PRDM16: variants seen among roughly 807,000 people sequenced by gnomAD.
PRDM16 encodes histone-lysine N-methyltransferase PRDM16.
A neutral mutation model predicts 110.6 loss-of-function variants in PRDM16; 23 were observed. The observed-to-expected ratio is 0.21, with a 90% confidence interval of 0.15 to 0.29. The LOEUF (loss-of-function observed/expected upper bound fraction) is 0.29, where lower values mean the gene tolerates loss of function less well. PRDM16 is among the 10% of genes least tolerant of loss of function. The pLI is 1.00. For missense variants in PRDM16, 1,615 were observed against 1,794.3 expected (o/e 0.90, Z 1.81); for synonymous variants, 799 against 781.8 (o/e 1.02, Z -0.37).
At chr1:3,124,513 A>C (rs1347369974) in intron 1 of PRDM16, among the ~76,000 whole-genome samples, 1 of 152,224 alleles carries the variant, frequency 6.6e-6, no homozygotes, top group Non-Finnish European at 1.5e-5. Flanking sequence ...TTTGGAAGGC[A>C]GCGATGCTTA....
chr1:3,228,778 C>T (rs1418204543), intron 2 of PRDM16, among the ~76,000 whole-genome samples: 1 of 152,214 alleles, frequency 6.6e-6, no homozygotes, highest in Non-Finnish European at 1.5e-5. Context: ...GCACTGTCCA[C>T]CCAGCTTCCC....
At chr1:3,221,684 G>T (rs1405781894) in intron 2 of PRDM16, among the ~76,000 whole-genome samples, 1 of 152,216 alleles carries the variant, frequency 6.6e-6, no homozygotes, top group Non-Finnish European at 1.5e-5. Flanking sequence ...CCCTGGGCAT[G>T]TGGGACACAC....
chr1:3,412,372 C>T lies in PRDM16; in HGVS notation c.2175C>T (p.Phe725=), dbSNP rs760788835. ...KLGSLPYHSA[F]PFQFLPNFPH... ...GCTCGCTCCCCTACCACTCGGCGTT[C>T]CCCTTCCAGTTCCTGCCCAACTTCC... The change falls in exon 9 of 17, where the codon TTC becomes TTT. Residue 725 remains phenylalanine, a synonymous_variant. Transcript: ENST00000270722. 1.2e-6 allele frequency: 2 copies of T among 1,613,598 alleles called. No homozygotes were observed. Among genetic ancestry groups the T allele is most frequent in the Non-Finnish European group, 1.7e-6 (2 of 1,180,024 alleles).
At position 3,255,964 on chromosome 1, in the gene PRDM16, C is replaced by T. The variant is rs1329786241; in HGVS notation, c.438+11827C>T. ...CACCAACAGTACAGGGTGGAACGAG[C>T]TCCGCCTCTCAGGGGAGGGACAGGA... On this transcript the variant is annotated intron_variant, in intron 3 of 16. Transcript: ENST00000270722. This position sits in a 1 kb window ranked among gnomAD's most constrained non-coding sequence, Gnocchi z 4.7. Among the ~76,000 whole-genome samples the T allele has an allele frequency of 6.7e-6, 1 of 150,112 alleles. No homozygotes were observed. The highest frequency in any genetic ancestry group is 1.5e-5 in the Non-Finnish European group (1 of 67,290).
rs1187534420 is a variant in PRDM16 at position 3,148,790 on chromosome 1, C to A, written c.38-37335C>A. Among the ~76,000 whole-genome samples the A allele has an allele frequency of 6.6e-6, 1 of 152,230 alleles. No individual in the cohort carries two copies. Among genetic ancestry groups the A allele is most frequent in the Non-Finnish European group, 1.5e-5 (1 of 68,042 alleles). On this transcript the variant is annotated intron_variant, in intron 1 of 16. Coordinates refer to ENST00000270722, the MANE Select transcript of PRDM16 (RefSeq NM_022114.4). This position sits in a 1 kb window ranked among gnomAD's most constrained non-coding sequence, Gnocchi z 5.0. ...TCTCTAAAATCCCCAAATCCATCCC[C>A]ACTTTACTTAGCACATGTTGAAAGT... is the stretch of plus-strand genomic sequence containing the variant.
At chr1:3,118,123 G>C (rs1267310857) in intron 1 of PRDM16, among the ~76,000 whole-genome samples, 1 of 151,144 alleles carries the variant, frequency 6.6e-6, no homozygotes, top group South Asian at 2.1e-4. Context: ...GCGTGTGCGT[G>C]TGTGCGTGTG....
chr1:3,397,617 A>G (rs868034578), intron 5 of PRDM16, among the ~76,000 whole-genome samples: 1 of 152,236 alleles, frequency 6.6e-6, no homozygotes, highest in Non-Finnish European at 1.5e-5. Context: ...CCCGCAAGTG[A>G]ACAGGAACGC....
chr1:3,352,612 A>C (rs1393452142), intron 3 of PRDM16, among the ~76,000 whole-genome samples: 1 of 152,212 alleles, frequency 6.6e-6, no homozygotes. Flanking sequence ...TCTGATGAGA[A>C]CCGCGCAGCA....
chr1:3,301,332 CAAAAAAA>C (rs70938084), intron 3 of PRDM16, among the ~76,000 whole-genome samples: 6 of 101,874 alleles, frequency 5.9e-5, no homozygotes, highest in Non-Finnish European at 1.2e-4. Context: ...GATCCCATCT[CAAAAAAA>C]AAAAAAAAAA....
At chr1:3,102,770 G>GC (rs946775612) in intron 1 of PRDM16, among the ~76,000 whole-genome samples, 24 of 152,168 alleles carry the variant, frequency 1.6e-4, no homozygotes, top group Admixed American at 3.3e-4. Context: ...GCCCACTGGG[G>GC]CCCCTGCGGA....
intron 3 of PRDM16, among the ~76,000 whole-genome samples, chr1:3,274,660 C>T (rs1283212968): frequency 2.6e-5 from 4 of 152,242 alleles, no homozygotes; most frequent in South Asian, 2.1e-4. Context: ...CCTGCCGGAG[C>T]GAGGCCTTGT....
intron 1 of PRDM16, among the ~76,000 whole-genome samples, chr1:3,161,278 A>C (rs1483628036): frequency 2.0e-5 from 3 of 152,212 alleles, no homozygotes; most frequent in Non-Finnish European, 4.4e-5. Context: ...ACACGCTCGA[A>C]AGTGCTCAGG....
chr1:3,125,151 G>C (rs941662530), intron 1 of PRDM16, among the ~76,000 whole-genome samples: 3 of 152,370 alleles, frequency 2.0e-5, no homozygotes, highest in East Asian at 1.9e-4. Flanking sequence ...CCAGCCAAAG[G>C]CTGACCATGT....
intron 3 of PRDM16, among the ~76,000 whole-genome samples, chr1:3,329,662 A>G (rs1642001668): frequency 6.6e-6 from 1 of 151,982 alleles, no homozygotes; most frequent in South Asian, 2.1e-4. Flanking sequence ...GAGCCTTCAC[A>G]CCCCTCTCTT....
intron 1 of PRDM16, among the ~76,000 whole-genome samples, chr1:3,100,700 G>A (rs12034059): frequency 2.7e-5 from 4 of 148,962 alleles, no homozygotes; most frequent in South Asian, 4.1e-4. Flanking sequence ...TGAGGTTCCC[G>A]TGAGGAAGAT....
At position 3,190,916 on chromosome 1, in the gene PRDM16, G is replaced by T. The variant is rs1388383857; in HGVS notation, c.387+4442G>T. Among the ~76,000 whole-genome samples, 1 of 152,168 alleles carries T rather than the reference G, an allele frequency of 6.6e-6. No individual in the cohort carries two copies. The highest frequency in any genetic ancestry group is 1.5e-5 in the Non-Finnish European group (1 of 68,008). The stretch of plus-strand genomic sequence containing the variant: ...AGGCCATGGGTGAGGCACTGGGGAG[G>T]CCACCTGCCCCCGGCTGGGCCTTCA... On this transcript the variant is annotated intron_variant, in intron 2 of 16. Coordinates refer to ENST00000270722, the MANE Select transcript of PRDM16 (RefSeq NM_022114.4). The surrounding 1 kb of genome is among the most constrained non-coding windows in gnomAD (Gnocchi z 5.0).
chr1:3,409,148 G>T (rs898693345), intron 8 of PRDM16, among the ~76,000 whole-genome samples: 26 of 139,662 alleles, frequency 1.9e-4, no homozygotes, highest in African/African-American at 6.6e-4. Context: ...TGTGAGTGTG[G>T]GTGTGTGTGA....
intron 1 of PRDM16, among the ~76,000 whole-genome samples, chr1:3,127,296 G>A (rs568647776): frequency 3.3e-5 from 5 of 152,194 alleles, no homozygotes; most frequent in Non-Finnish European, 5.9e-5. Context: ...ACGGCGGTGC[G>A]CAGGCTTTGC....
At chr1:3,301,735 G>A (rs893352004) in intron 3 of PRDM16, among the ~76,000 whole-genome samples, 1 of 152,190 alleles carries the variant, frequency 6.6e-6, no homozygotes, top group Admixed American at 6.5e-5. Flanking sequence ...CAAAGCCACT[G>A]TCCCAAGCTG....
Sources: gnomAD v4.1 joint callset for allele counts (sites outside exome capture counted in the v4.1 genomes callset) on GRCh38, gnomAD v4.1.1 for gene constraint, Gnocchi (gnomAD v3.1) non-coding constraint, MANE v1.5 for transcripts, NCBI Gene and HGNC (gene_info 2026-07-23, HGNC 2026-07-21) for gene names.